PPP1R9A: variants seen among roughly 807,000 people sequenced by gnomAD.
PPP1R9A encodes the protein neurabin-1.
A neutral mutation model predicts 141.9 loss-of-function variants in PPP1R9A; 59 were observed. That is an observed-to-expected ratio of 0.42 (90% CI 0.34 to 0.52). The LOEUF (loss-of-function observed/expected upper bound fraction) is 0.52, where lower values mean the gene tolerates loss of function less well. Among genes scored for constraint, PPP1R9A ranks in the 20% least tolerant of loss-of-function variants. The probability of loss-of-function intolerance (pLI) is 0.10; values close to 1 mark genes in which losing one functional copy is unlikely to be tolerated. For missense variants in PPP1R9A, 1,444 were observed against 1,611.9 expected, an observed-to-expected ratio of 0.90 and a Z score of 1.78; for synonymous variants, 500 against 569.7, an observed-to-expected ratio of 0.88 and a Z score of 1.74.
intron 2 of PPP1R9A, among the ~76,000 whole-genome samples, chr7:94,993,199 T>A (rs559878224): frequency 3.3e-5 from 5 of 152,164 alleles, no homozygotes; most frequent in African/African-American, 1.2e-4. Context: ...TTTTTATATA[T>A]GTGTGGGTGC....
At chr7:95,267,183 T>C (rs950162475) in intron 12 of PPP1R9A, among the ~76,000 whole-genome samples, 1 of 152,152 alleles carries the variant, frequency 6.6e-6, no homozygotes, top group Admixed American at 6.6e-5. Context: ...AGGCACAAAC[T>C]GAGGTGCTTC....
intron 4 of PPP1R9A, among the ~76,000 whole-genome samples, chr7:95,161,368 A>G (rs1228944614): frequency 6.6e-6 from 1 of 152,076 alleles, no homozygotes; most frequent in Non-Finnish European, 1.5e-5. Flanking sequence ...TTTTAATGGA[A>G]ATAGTCTTTT....
chr7:94,968,274 G>T (rs1798450607), intron 2 of PPP1R9A, among the ~76,000 whole-genome samples: 1 of 151,432 alleles, frequency 6.6e-6, no homozygotes, highest in South Asian at 2.1e-4. Context: ...CCGGGTTCAC[G>T]CCATTCTCCT....
At chr7:94,976,785 TATTA>T (rs1462479705) in intron 2 of PPP1R9A, among the ~76,000 whole-genome samples, 2 of 152,200 alleles carry the variant, frequency 1.3e-5, no homozygotes, top group Non-Finnish European at 2.9e-5. Flanking sequence ...ATCTTTTATT[TATTA>T]ATCATTCACT....
intron 2 of PPP1R9A, among the ~76,000 whole-genome samples, chr7:95,070,593 G>GTGTATATATATATATATATATATATATA (rs376992260): frequency 1.8e-5 from 2 of 111,938 alleles, no homozygotes; most frequent in African/African-American, 3.6e-5. Context: ...TAAATCTCTG[G>GTGTATATATATATATATATATATATATA]TATATATATA....
chr7:95,097,739 T>G (rs1818232989), intron 2 of PPP1R9A, among the ~76,000 whole-genome samples: 1 of 152,246 alleles, frequency 6.6e-6, no homozygotes, highest in African/African-American at 2.4e-5. Flanking sequence ...CACAACCTCC[T>G]TAGGTCACAG....
At chr7:94,907,580 C>T (rs1790887779), upstream of PPP1R9A, 1 of 152,072 alleles carries the variant, frequency 6.6e-6, no homozygotes, top group African/African-American at 2.4e-5. Flanking sequence ...GGGGCGGCCT[C>T]GCCTCGGGCC....
intron 2 of PPP1R9A, among the ~76,000 whole-genome samples, chr7:94,966,342 T>G (rs1407792007): frequency 6.6e-6 from 1 of 152,186 alleles, no homozygotes; most frequent in African/African-American, 2.4e-5. Flanking sequence ...GGCCAGAACT[T>G]CCAATACTGT....
At chr7:94,954,715 T>C (rs1399289848) in intron 2 of PPP1R9A, among the ~76,000 whole-genome samples, 2 of 151,636 alleles carry the variant, frequency 1.3e-5, no homozygotes, top group African/African-American at 4.8e-5. Flanking sequence ...TTTTCCTCTT[T>C]TTTGGTGATT....
intron 2 of PPP1R9A, among the ~76,000 whole-genome samples, chr7:95,097,806 T>C (rs11764139): frequency 3.2e-4 from 48 of 152,216 alleles, no homozygotes; most frequent in Non-Finnish European, 5.7e-4. Context: ...GAGGAAGAGT[T>C]GAACTGTTGG....
At chr7:94,941,555 C>A (rs1157598347) in intron 2 of PPP1R9A, among the ~76,000 whole-genome samples, 2 of 151,626 alleles carry the variant, frequency 1.3e-5, no homozygotes, top group Non-Finnish European at 2.9e-5. Context: ...TATCTAAATG[C>A]TCTTAAAGTA....
At chr7:95,198,541 T>G in intron 6 of PPP1R9A, 57 bp downstream of exon 6, 2 of 1,496,274 alleles carry the variant, frequency 1.3e-6, no homozygotes, top group Non-Finnish European at 1.8e-6. Flanking sequence ...TGAAACTCTC[T>G]CTACTGTATA....
chr7:95,292,673 T>G lies in PPP1R9A; in HGVS notation c.*2370T>G, dbSNP rs1326552654. The stretch of plus-strand genomic sequence containing the variant: ...TAAAATCATTTAGTATTATAAGTAT[T>G]TTGATTTTTTAAGTTAAATTATAGT... On this transcript the variant is annotated 3_prime_UTR_variant, in exon 20 of 20. Transcript: ENST00000433360. The G allele has an allele frequency of 6.6e-6, 1 of 152,218 alleles. No individual in the cohort carries two copies. The highest frequency in any genetic ancestry group is 1.5e-5 in the Non-Finnish European group (1 of 68,038). 9.4% of individuals were successfully genotyped at this position (152,218 alleles called of 1,614,324 possible). A position where few individuals can be genotyped will look rare whatever the true frequency, so the allele number is the denominator to read the frequency against.
chr7:95,068,343 G>C (rs954774155), intron 2 of PPP1R9A, among the ~76,000 whole-genome samples: 2 of 151,818 alleles, frequency 1.3e-5, no homozygotes, highest in African/African-American at 4.8e-5. Context: ...GGTGGCACAC[G>C]CCTGTAGTCC....
chr7:95,175,757 CTA>C (rs1832807602), intron 5 of PPP1R9A, among the ~76,000 whole-genome samples: 3 of 152,240 alleles, frequency 2.0e-5, no homozygotes, highest in Admixed American at 2.0e-4. Flanking sequence ...TGATCAATAA[CTA>C]TGCATTCATT....
intron 7 of PPP1R9A, among the ~76,000 whole-genome samples, chr7:95,214,673 G>A (rs1792904786): frequency 6.6e-6 from 1 of 152,120 alleles, no homozygotes; most frequent in Admixed American, 6.6e-5. Flanking sequence ...TTTGGAGTCT[G>A]CCTCCTATAG....
At chr7:95,093,066 C>A (rs1447743366) in intron 2 of PPP1R9A, among the ~76,000 whole-genome samples, 1 of 152,102 alleles carries the variant, frequency 6.6e-6, no homozygotes, top group African/African-American at 2.4e-5. Flanking sequence ...ACATGCCATG[C>A]CAACAGGTTT....
intron 12 of PPP1R9A, among the ~76,000 whole-genome samples, chr7:95,252,774 T>C (rs1799073278): frequency 6.6e-6 from 1 of 152,156 alleles, no homozygotes; most frequent in African/African-American, 2.4e-5. Context: ...AGCCAAGCTT[T>C]AGAATGTTTA....
intron 7 of PPP1R9A, among the ~76,000 whole-genome samples, chr7:95,205,750 T>C (rs1156375530): frequency 6.6e-6 from 1 of 152,224 alleles, no homozygotes; most frequent in African/African-American, 2.4e-5. Context: ...ATTGCTGGGC[T>C]AGTGGTCTTT....
Sources: gnomAD v4.1 joint callset for allele counts (sites outside exome capture counted in the v4.1 genomes callset) on GRCh38, gnomAD v4.1.1 for gene constraint, MANE v1.5 for transcripts, NCBI Gene and HGNC (gene_info 2026-07-23, HGNC 2026-07-21) for gene names.